MYO9B: variants seen among roughly 807,000 people sequenced by gnomAD.
The protein encoded by MYO9B is unconventional myosin-IXb.
A neutral mutation model predicts 229.5 loss-of-function variants in MYO9B; 71 were observed. That is an observed-to-expected ratio of 0.31 (90% confidence interval 0.26 to 0.38). The LOEUF is 0.38. MYO9B is among the 10% of genes least tolerant of loss of function. The pLI is 1.00. For missense variants in MYO9B, 2,255 were observed against 2,920.5 expected (o/e 0.77, Z 5.25); for synonymous variants, 1,185 against 1,235.8 (o/e 0.96, Z 0.86).
intron 3 of MYO9B, among the ~76,000 whole-genome samples, chr19:17,148,373 C>T (rs901230966): frequency 5.9e-5 from 9 of 152,168 alleles, no homozygotes; most frequent in Non-Finnish European, 1.3e-4. Context: ...CAGTGTACGA[C>T]AAACCGTATG....
intron 4 of MYO9B, 106 bp downstream of exon 4, chr19:17,152,812 G>C (rs2145270670): frequency 2.0e-6 from 2 of 1,024,976 alleles, no homozygotes; most frequent in South Asian, 1.4e-5. Context: ...AGGAATTCTG[G>C]GGGAGGCCGT....
intron 14 of MYO9B, among the ~76,000 whole-genome samples, chr19:17,179,529 C>T (rs56327027): frequency 2.7e-5 from 4 of 148,420 alleles, no homozygotes; most frequent in Non-Finnish European, 4.4e-5. Context: ...CAGGTTCAAG[C>T]GATTGTCGTG....
At chr19:17,210,242 CT>C (rs1382661006) in intron 36 of MYO9B, 90 bp from the exon 37 acceptor site, 28 of 1,337,118 alleles carry the variant, frequency 2.1e-5, no homozygotes, top group Non-Finnish European at 2.8e-5. Flanking sequence ...CAGGGACCCC[CT>C]ATCTTGGTAC....
At chr19:17,126,038 C>T (rs1257282037) in intron 2 of MYO9B, among the ~76,000 whole-genome samples, 1 of 152,196 alleles carries the variant, frequency 6.6e-6, no homozygotes, top group Non-Finnish European at 1.5e-5. Context: ...GACACCCACC[C>T]CCTTCGCAGG....
chr19:17,081,577 G>A (rs1044895825), intron 1 of MYO9B, among the ~76,000 whole-genome samples: 1 of 152,108 alleles, frequency 6.6e-6, no homozygotes, highest in Admixed American at 6.5e-5. Context: ...GGGAGGCCGA[G>A]GTGGGAGGAT....
intron 10 of MYO9B, among the ~76,000 whole-genome samples, chr19:17,166,500 T>G (rs906669897): frequency 3.4e-5 from 5 of 145,452 alleles, no homozygotes; most frequent in South Asian, 2.1e-4. Context: ...TATATTTATG[T>G]TTTTTTTTTT....
intron 2 of MYO9B, among the ~76,000 whole-genome samples, chr19:17,115,323 C>T (rs1235485383): frequency 1.3e-5 from 2 of 152,156 alleles, no homozygotes; most frequent in Non-Finnish European, 1.5e-5. Flanking sequence ...CGAGTAATTG[C>T]ACCCGAGACA....
At chr19:17,156,597 G>A (rs2072539835) in intron 6 of MYO9B, among the ~76,000 whole-genome samples, 2 of 151,872 alleles carry the variant, frequency 1.3e-5, no homozygotes, top group South Asian at 4.2e-4. Flanking sequence ...GTGGCCTGTA[G>A]TACCAGCTAC....
chr19:17,170,829 A>AT (rs1212124133), intron 11 of MYO9B, among the ~76,000 whole-genome samples: 2 of 99,478 alleles, frequency 2.0e-5, no homozygotes, highest in African/African-American at 8.2e-5. Context: ...AGCTCTAAAA[A>AT]TTAAAAAAAA....
intron 1 of MYO9B, among the ~76,000 whole-genome samples, chr19:17,099,788 G>A (rs1437335393): frequency 1.0e-4 from 15 of 142,860 alleles, no homozygotes; most frequent in Admixed American, 2.9e-4. Context: ...ACTGCAGTCC[G>A]GCCTGGGTGA....
At chr19:17,093,243 A>G (rs997364138) in intron 1 of MYO9B, among the ~76,000 whole-genome samples, 2 of 152,096 alleles carry the variant, frequency 1.3e-5, no homozygotes, top group African/African-American at 4.8e-5. Flanking sequence ...TGAGGCAGGA[A>G]AATGGCTTGA....
At position 17,150,825 on chromosome 19, in the gene MYO9B, G is replaced by T. The variant is rs568853214; in HGVS notation, c.936-1819G>T. The stretch of plus-strand genomic sequence containing the variant: ...ATTTTTCCTCGAAAAAACATTCACT[G>T]CCACTACTTTTAGCATTGAGAGATA... On this transcript the variant is annotated intron_variant, in intron 3 of 39. Transcript: ENST00000682292. Among the ~76,000 whole-genome samples, 31 of 141,502 alleles carry T rather than the reference G, an allele frequency of 2.2e-4. 2 individuals are homozygous for T. The South Asian group carries it at 6.8e-3, about 31-fold the overall frequency. The allele number at this position is 141,502 out of a possible 152,430, so 92.8% of individuals were successfully genotyped here.
At chr19:17,202,444 A>G in intron 28 of MYO9B, 141 bp downstream of exon 28, 1 of 868,246 alleles carries the variant, frequency 1.2e-6, no homozygotes, top group South Asian at 1.7e-5. Flanking sequence ...CCACTGTGCC[A>G]TGACTTGATC....
At chr19:17,121,444 A>AATATATATATATAT (rs59741893) in intron 2 of MYO9B, among the ~76,000 whole-genome samples, 18 of 142,612 alleles carry the variant, frequency 1.3e-4, no homozygotes, top group South Asian at 4.5e-4. Context: ...ATGTATTCCA[A>AATATATATATATAT]ATATATATAT....
At chr19:17,175,216 G>A (rs1313669284) in intron 13 of MYO9B, among the ~76,000 whole-genome samples, 7 of 150,508 alleles carry the variant, frequency 4.7e-5, no homozygotes, top group African/African-American at 7.4e-5. Flanking sequence ...GAGGTTACAC[G>A]AGCTGTGATC....
chr19:17,083,193 G>A (rs556913268), intron 1 of MYO9B, among the ~76,000 whole-genome samples: 42 of 151,938 alleles, frequency 2.8e-4, no homozygotes, highest in African/African-American at 9.2e-4. Context: ...TCACCACCAC[G>A]CCAGGCTAAT....
chr19:17,117,978 C>T (rs530564207), intron 2 of MYO9B, among the ~76,000 whole-genome samples: 4 of 149,000 alleles, frequency 2.7e-5, no homozygotes, highest in East Asian at 4.0e-4. Context: ...ATACAGGATT[C>T]TAGTTAGCGG....
At chr19:17,178,101 C>T (rs545608326) in intron 14 of MYO9B, among the ~76,000 whole-genome samples, 149 of 152,336 alleles carry the variant, frequency 9.8e-4, no homozygotes, top group African/African-American at 3.3e-3. Context: ...CATTCCAAGC[C>T]GTGGCCGCTG....
chr19:17,140,868 C>T (rs551007777), intron 2 of MYO9B, among the ~76,000 whole-genome samples: 6 of 150,766 alleles, frequency 4.0e-5, no homozygotes, highest in East Asian at 4.0e-4. Flanking sequence ...TTTGGGAGGC[C>T]GAGGCAAGGA....
Sources: allele counts gnomAD v4.1 joint callset (sites outside exome capture counted in the v4.1 genomes callset), GRCh38; gene constraint gnomAD v4.1.1; transcripts MANE v1.5; gene names NCBI Gene and HGNC (gene_info 2026-07-23, HGNC 2026-07-21).